The following CDC42BPA variants were observed in gnomAD, a reference collection of about 807,000 sequenced individuals.
CDC42BPA encodes CDC42 binding protein kinase alpha.
In CDC42BPA, 80 loss-of-function variants were observed where a neutral mutation model predicts 223.5. That is an observed-to-expected ratio of 0.36 (90% CI 0.30 to 0.43). CDC42BPA has a LOEUF of 0.43. Among genes scored for constraint, CDC42BPA ranks in the 20% least tolerant of loss-of-function variants. The probability of loss-of-function intolerance (pLI) is 1.00; values close to 1 mark genes in which losing one functional copy is unlikely to be tolerated. For missense variants in CDC42BPA, 1,743 were observed against 2,099.9 expected, an observed-to-expected ratio of 0.83 and a Z score of 3.32; for synonymous variants, 694 against 718.6, an observed-to-expected ratio of 0.97 and a Z score of 0.55.
intron 9 of CDC42BPA, among the ~76,000 whole-genome samples, chr1:227,141,974 TA>T (rs577135005): frequency 3.3e-5 from 5 of 150,718 alleles, no homozygotes; most frequent in African/African-American, 1.2e-4. Context: ...CCCCATCTCT[TA>T]AAAAAAAAGA....
intron 24 of CDC42BPA, among the ~76,000 whole-genome samples, chr1:227,036,993 G>A (rs1670405479): frequency 6.6e-6 from 1 of 152,102 alleles, no homozygotes; most frequent in African/African-American, 2.4e-5. Flanking sequence ...AGAAAAGATA[G>A]GCACAATTTC....
At chr1:227,060,040 T>C (rs1003747258) in intron 21 of CDC42BPA, among the ~76,000 whole-genome samples, 2 of 144,488 alleles carry the variant, frequency 1.4e-5, no homozygotes, top group African/African-American at 2.5e-5. Flanking sequence ...GTTTTTTTTT[T>C]TTTTTTTTGA....
chr1:227,238,976 G>C (rs947181847), intron 2 of CDC42BPA, among the ~76,000 whole-genome samples: 2 of 152,198 alleles, frequency 1.3e-5, no homozygotes, highest in East Asian at 1.9e-4. Context: ...CAACCGTCTA[G>C]AGCTAACTGA....
intron 10 of CDC42BPA, among the ~76,000 whole-genome samples, chr1:227,137,307 T>C (rs10458373): frequency 0.87 from 132,174 of 151,822 alleles, 57,611 homozygotes; most frequent in Middle Eastern, 0.93. Flanking sequence ...ATTAAAATCA[T>C]GGCAGAACAT....
chr1:227,135,749 G>A (rs1658359684), intron 10 of CDC42BPA, among the ~76,000 whole-genome samples: 1 of 151,640 alleles, frequency 6.6e-6, no homozygotes, highest in African/African-American at 2.4e-5. Context: ...AGTTACTCAG[G>A]AGGCTGAGGC....
chr1:227,203,139 A>C (rs1452583493), intron 3 of CDC42BPA, among the ~76,000 whole-genome samples: 1 of 152,154 alleles, frequency 6.6e-6, no homozygotes, highest in East Asian at 1.9e-4. Context: ...AGGAGCATAT[A>C]CATATTTTTA....
chr1:227,003,810 G>C (rs900374315), intron 35 of CDC42BPA, among the ~76,000 whole-genome samples: 1 of 151,950 alleles, frequency 6.6e-6, no homozygotes, highest in African/African-American at 2.4e-5. Flanking sequence ...CTGCAGTTCC[G>C]AGTACAGTTA....
intron 21 of CDC42BPA, among the ~76,000 whole-genome samples, chr1:227,060,021 T>TTA (rs1558401442): frequency 1.7e-4 from 10 of 57,678 alleles, no homozygotes; most frequent in African/African-American, 6.9e-4. Flanking sequence ...TCTCAAAAAG[T>TTA]TTTTTTTTGT....
chr1:227,135,855 C>CAAAA (rs1175091904), intron 10 of CDC42BPA, among the ~76,000 whole-genome samples: 1 of 6,578 alleles, frequency 1.5e-4, no homozygotes. Context: ...CTCTGTCTCC[C>CAAAA]AAAAAAAAAA....
chr1:227,264,956 T>C, intron 1 of CDC42BPA: 2 of 1,031,258 alleles, frequency 1.9e-6, no homozygotes, highest in South Asian at 2.5e-5. Context: ...CTCTTCCTCT[T>C]CTTGTATAAC....
At position 227,106,084 on chromosome 1, in the gene CDC42BPA, C is replaced by T. The variant is rs1461152176; in HGVS notation, c.2002-4845G>A. On this transcript the variant is annotated intron_variant, in intron 14 of 36. Transcript: ENST00000366766. ...ACATATAAGGGTTCCAATTCTCTAC[C>T]TTCTTGTTAAGACCTACTTTCTTTT... Among the ~76,000 whole-genome samples the T allele has an allele frequency of 2.6e-5, 4 of 152,126 alleles. No individual in the cohort carries two copies. In the East Asian group the frequency reaches 7.7e-4, roughly 29 times the overall value.
chr1:227,132,996 G>T (rs1244486832), intron 10 of CDC42BPA, among the ~76,000 whole-genome samples: 1 of 151,904 alleles, frequency 6.6e-6, no homozygotes, highest in Admixed American at 6.5e-5. Flanking sequence ...TCTGGGAAGT[G>T]AGGAGCATCT....
At chr1:227,163,155 T>G (rs1664403593) in intron 5 of CDC42BPA, among the ~76,000 whole-genome samples, 1 of 151,906 alleles carries the variant, frequency 6.6e-6, no homozygotes, top group South Asian at 2.1e-4. Flanking sequence ...TTTCCAAACA[T>G]ATATGTGTGT....
At position 227,317,588 on chromosome 1, in the gene CDC42BPA, C is replaced by T. The variant is rs1160013006; in HGVS notation, c.-406G>A. On this transcript the variant is annotated 5_prime_UTR_variant, in exon 1 of 37. An upstream start codon of the reference 5' UTR is lost. Coordinates refer to ENST00000366766, the MANE Select transcript of CDC42BPA (RefSeq NM_001394014.1). ...CGTAATCCTGAAACGAATCCGGTTG[C>T]ATCATTAATGAATAAAGTCCGATTT... 2.8e-5 allele frequency: 11 copies of T among 397,512 alleles called. No individual in the cohort carries two copies. The highest frequency in any genetic ancestry group is 4.4e-5 in the Non-Finnish European group (10 of 226,006). The allele number at this position is 397,512 out of a possible 1,614,324, so 24.6% of individuals were successfully genotyped here. A position where few individuals can be genotyped will look rare whatever the true frequency, so the allele number is the denominator to read the frequency against.
intron 2 of CDC42BPA, among the ~76,000 whole-genome samples, chr1:227,220,995 A>G (rs116647640): frequency 0.054 from 8,190 of 152,244 alleles, 244 homozygotes; most frequent in Non-Finnish European, 0.072. Flanking sequence ...TGCTTTTTCC[A>G]CTTGCTCATC....
chr1:227,115,024 T>C (rs1218819469), intron 12 of CDC42BPA, among the ~76,000 whole-genome samples: 1 of 152,102 alleles, frequency 6.6e-6, no homozygotes. Context: ...GAAGAAATGA[T>C]TTTGCAAACA....
intron 1 of CDC42BPA, among the ~76,000 whole-genome samples, chr1:227,297,967 T>TATATATATACACACACACACAC (rs369403944): frequency 3.8e-5 from 5 of 132,080 alleles, no homozygotes; most frequent in African/African-American, 1.5e-4. Context: ...TATATACATA[T>TATATATATACACACACACACAC]ACACACACAC....
chr1:227,130,862 AC>A lies in CDC42BPA; in HGVS notation c.1391-1632del, dbSNP rs1247938780. On this transcript the variant is annotated intron_variant, in intron 10 of 36. Transcript: ENST00000366766. The stretch of plus-strand genomic sequence containing the variant: ...GATCGAGACTCTGTCTCAAAAAAAA[AC>A]AAACAAACAAAAGACCAAAGAATAC... 5.3e-5 allele frequency among the ~76,000 whole-genome samples: 8 copies of A among 150,606 alleles called. No individual in the cohort carries two copies. The East Asian group carries it at 1.4e-3, about 26-fold the overall frequency.
intron 5 of CDC42BPA, among the ~76,000 whole-genome samples, chr1:227,176,829 G>GCC: frequency 6.6e-6 from 1 of 151,952 alleles, no homozygotes; most frequent in Non-Finnish European, 1.5e-5. Context: ...ATTTGTACAT[G>GCC]TCTTTTATAC....
Sources: allele counts gnomAD v4.1 joint callset (sites outside exome capture counted in the v4.1 genomes callset), GRCh38; gene constraint gnomAD v4.1.1; transcripts MANE v1.5; gene names NCBI Gene and HGNC (gene_info 2026-07-23, HGNC 2026-07-21).